Variants in PDE8B observed in about 807,000 individuals in gnomAD.
PDE8B encodes phosphodiesterase 8B, also known as high affinity cAMP-specific and IBMX-insensitive 3',5'-cyclic phosphodiesterase 8B.
Under a neutral mutation model 101.3 loss-of-function variants are expected in PDE8B, and 26 were observed. The ratio of observed to expected loss-of-function variants is 0.26; its 90% CI spans 0.19 to 0.36. The LOEUF (loss-of-function observed/expected upper bound fraction) is 0.36. Ranked by LOEUF, PDE8B falls within the 10% of genes least tolerant of loss-of-function variation. The pLI is 1.00. For missense variants in PDE8B, 810 were observed against 1,163.1 expected, an observed-to-expected ratio of 0.70 and a Z score of 4.42; for synonymous variants, 424 against 429.3, an observed-to-expected ratio of 0.99 and a Z score of 0.15.
At chr5:77,396,914 T>C (rs892724546) in intron 10 of PDE8B, among the ~76,000 whole-genome samples, 1 of 152,058 alleles carries the variant, frequency 6.6e-6, no homozygotes, top group African/African-American at 2.4e-5. Flanking sequence ...CATAACAGAT[T>C]TTAAGATTTC....
At chr5:77,159,699 T>A in the PDE8B span, among the ~76,000 whole-genome samples, 4 of 152,340 alleles carry the variant, frequency 2.6e-5, no homozygotes, top group East Asian at 7.7e-4. Flanking sequence ...GTGCTAGTCT[T>A]GAGCTGCAGG....
chr5:77,345,500 A>G (rs1315171737), intron 7 of PDE8B, among the ~76,000 whole-genome samples: 1 of 152,202 alleles, frequency 6.6e-6, no homozygotes, highest in South Asian at 2.1e-4. Context: ...TGAAGACACT[A>G]TTGACATAGA....
chr5:77,273,357 C>T (rs1470709631), intron 1 of PDE8B, among the ~76,000 whole-genome samples: 1 of 152,078 alleles, frequency 6.6e-6, no homozygotes, highest in African/African-American at 2.4e-5. Flanking sequence ...ATTATTTTTC[C>T]TATGGGAAAA....
At chr5:77,365,120 G>A (rs1175611348) in intron 10 of PDE8B, among the ~76,000 whole-genome samples, 4 of 152,150 alleles carry the variant, frequency 2.6e-5, no homozygotes, top group Non-Finnish European at 4.4e-5. Flanking sequence ...ACCTGTGTTC[G>A]ATGAGGAGGA....
chr5:77,404,054 G>A (rs1792877907), intron 11 of PDE8B, among the ~76,000 whole-genome samples: 1 of 151,188 alleles, frequency 6.6e-6, no homozygotes, highest in Non-Finnish European at 1.5e-5. Context: ...CACGATCTTG[G>A]CTCATTGCAT....
the PDE8B span, among the ~76,000 whole-genome samples, chr5:77,138,604 A>T: frequency 6.6e-6 from 1 of 152,168 alleles, no homozygotes; most frequent in African/African-American, 2.4e-5. Flanking sequence ...AAAACAAATG[A>T]CTTTTTAGGT....
At chr5:77,328,819 A>G (rs897279428) in intron 3 of PDE8B, among the ~76,000 whole-genome samples, 179 bp from the exon 4 acceptor site, 2 of 152,226 alleles carry the variant, frequency 1.3e-5, no homozygotes, top group African/African-American at 2.4e-5. Context: ...TTTTAACGAA[A>G]TGAAGAGATT....
chr5:77,122,147 C>G, the PDE8B span, among the ~76,000 whole-genome samples: 1 of 152,190 alleles, frequency 6.6e-6, no homozygotes, highest in African/African-American at 2.4e-5. Flanking sequence ...ATGGCTGACT[C>G]AAAACTTTAC....
the PDE8B span, among the ~76,000 whole-genome samples, chr5:77,127,084 A>G: frequency 6.6e-6 from 1 of 151,886 alleles, no homozygotes; most frequent in African/African-American, 2.4e-5. Flanking sequence ...TATTCCACTC[A>G]CCCACCCTAG....
chr5:77,383,840 A>T (rs1004160138), intron 10 of PDE8B, among the ~76,000 whole-genome samples: 1 of 152,128 alleles, frequency 6.6e-6, no homozygotes, highest in Non-Finnish European at 1.5e-5. Flanking sequence ...ATTGGTCTAT[A>T]TATCTGTTTT....
intron 1 of PDE8B, among the ~76,000 whole-genome samples, chr5:77,288,396 G>T (rs531804610): frequency 1.3e-5 from 2 of 152,132 alleles, no homozygotes; most frequent in Non-Finnish European, 2.9e-5. Flanking sequence ...CCTTTCTCTC[G>T]CAGATCTTGG....
chr5:77,228,214 C>T (rs1416886050), intron 1 of PDE8B, among the ~76,000 whole-genome samples: 2 of 152,148 alleles, frequency 1.3e-5, no homozygotes, highest in African/African-American at 2.4e-5. Context: ...CTTGCCACAC[C>T]GTCCTGCCCC....
the PDE8B span, chr5:77,113,793 C>T: frequency 5.9e-5 from 9 of 152,168 alleles, no homozygotes; most frequent in African/African-American, 2.2e-4. Flanking sequence ...CCAGAATCTA[C>T]AAAGAACTTA....
chr5:77,346,267 T>C (rs926394568), intron 7 of PDE8B, among the ~76,000 whole-genome samples: 8 of 152,202 alleles, frequency 5.3e-5, no homozygotes, highest in African/African-American at 1.7e-4. Context: ...GTCTGCCTCT[T>C]GGACCTCAGA....
At chr5:77,169,972 G>C in the PDE8B span, among the ~76,000 whole-genome samples, 1 of 152,134 alleles carries the variant, frequency 6.6e-6, no homozygotes, top group South Asian at 2.1e-4. Flanking sequence ...CCCTATTTTA[G>C]CTATACGAAG....
the PDE8B span, among the ~76,000 whole-genome samples, chr5:77,135,555 C>T: frequency 1.4e-5 from 2 of 146,766 alleles, no homozygotes; most frequent in East Asian, 2.1e-4. Context: ...CGGCTCATTG[C>T]AGCCTCCGCC....
the PDE8B span, among the ~76,000 whole-genome samples, chr5:77,200,564 A>T: frequency 0.28 from 42,873 of 150,930 alleles, 6,384 homozygotes; most frequent in African/African-American, 0.38. Context: ...GCTTTTTTTT[A>T]AAAAATTTTG....
chr5:77,423,661 A>ATTTTTTTTTTTTTTTTT (rs1797245306), intron 20 of PDE8B, among the ~76,000 whole-genome samples: 1 of 24,966 alleles, frequency 4.0e-5, no homozygotes, highest in African/African-American at 1.3e-4. Context: ...TTTTTTTTTG[A>ATTTTTTTTTTTTTTTTT]GACAGTCTTG....
At chr5:77,214,755 A>G (rs1269013880) in intron 1 of PDE8B, among the ~76,000 whole-genome samples, 1 of 152,168 alleles carries the variant, frequency 6.6e-6, no homozygotes, top group African/African-American at 2.4e-5. Flanking sequence ...TTACGCAAGA[A>G]TCACCTAGAG....
Sources: allele counts gnomAD v4.1 joint callset (sites outside exome capture counted in the v4.1 genomes callset), GRCh38; gene constraint gnomAD v4.1.1; transcripts MANE v1.5; gene names NCBI Gene and HGNC (gene_info 2026-07-23, HGNC 2026-07-21).